The following TNIP3 variants were observed in gnomAD, a reference collection of about 807,000 sequenced individuals.
The protein encoded by TNIP3 is TNFAIP3 interacting protein 3.
TNIP3 carries 34 observed loss-of-function variants against 54.1 expected under a neutral mutation model. The ratio of observed to expected loss-of-function variants is 0.63; its 90% CI spans 0.48 to 0.84. TNIP3 has a LOEUF of 0.84. Among genes scored for constraint, TNIP3 ranks in the 40% least tolerant of loss-of-function variants. The pLI, the probability that TNIP3 is intolerant of heterozygous loss-of-function variation, is 0.00. For missense variants in TNIP3, 366 were observed against 387.6 expected, an observed-to-expected ratio of 0.94 and a Z score of 0.47; for synonymous variants, 134 against 136.8, an observed-to-expected ratio of 0.98 and a Z score of 0.14.
chr4:121,145,886 A>C (rs936430825), intron 7 of TNIP3, among the ~76,000 whole-genome samples: 2 of 151,776 alleles, frequency 1.3e-5, no homozygotes, highest in African/African-American at 4.8e-5. Flanking sequence ...CTGAGGCAGG[A>C]GACTAGCTTG....
At chr4:121,151,498 C>A (rs901097405) in intron 5 of TNIP3, among the ~76,000 whole-genome samples, 1 of 151,952 alleles carries the variant, frequency 6.6e-6, no homozygotes, top group Non-Finnish European at 1.5e-5. Flanking sequence ...TTTTTTCATC[C>A]TTCAGGGAGA....
chr4:121,216,755 C>A, upstream of TNIP3: 1 of 634,516 alleles, frequency 1.6e-6, no homozygotes, highest in East Asian at 4.2e-5. Context: ...AATCTCATGA[C>A]AGGGAGAAAT....
intron 10 of TNIP3, among the ~76,000 whole-genome samples, chr4:121,134,989 G>T (rs947918128): frequency 9.2e-5 from 14 of 152,126 alleles, no homozygotes; most frequent in Non-Finnish European, 1.9e-4. Flanking sequence ...GAGTGGTGAG[G>T]GGTGTATGGA....
chr4:121,132,355 T>G lies in TNIP3; in HGVS notation c.*276A>C. On this transcript the variant is annotated 3_prime_UTR_variant, in exon 11 of 11. Transcript: ENST00000057513. ...CCAACAGCAATATGCTGAAGAGATT[T>G]TCAGGGAGTCGTGCATCATCCATCT... is the stretch of plus-strand genomic sequence containing the variant. The G allele has an allele frequency of 2.4e-6, 1 of 416,850 alleles. No individual in the cohort carries two copies. Among genetic ancestry groups the G allele is most frequent in the Non-Finnish European group, 4.3e-6 (1 of 232,654 alleles). The allele number at this position is 416,850 out of a possible 1,614,324, so 25.8% of individuals were successfully genotyped here.
intron 9 of TNIP3, among the ~76,000 whole-genome samples, chr4:121,140,765 GA>G (rs1028982247): frequency 6.1e-4 from 92 of 151,674 alleles, no homozygotes; most frequent in African/African-American, 2.0e-3. Context: ...AACAGGTAAA[GA>G]AAAAAAAGGA....
chr4:121,137,985 T>C (rs1482273069), intron 10 of TNIP3: 1 of 456,052 alleles, frequency 2.2e-6, no homozygotes, highest in Admixed American at 2.3e-5. Flanking sequence ...CACAAGACCA[T>C]AGAAACAAGC....
rs537259597 is a variant in TNIP3, at chr4:121,173,520, A to T, written c.189+9156T>A. Among the ~76,000 whole-genome samples the T allele has an allele frequency of 6.6e-5, 10 of 152,244 alleles. No homozygotes were observed. In the South Asian group the frequency reaches 8.3e-4, roughly 13 times the overall value. On this transcript the variant is annotated intron_variant, in intron 3 of 12. Transcript: ENST00000507879. ...TAATCTGTGTTTGAGTTTTTTTTTA[A>T]AAATTATTTTCTCTGGAAGGAAATT...
intron 1 of TNIP3, among the ~76,000 whole-genome samples, chr4:121,227,230 C>T (rs1277368986): frequency 6.6e-6 from 1 of 152,204 alleles, no homozygotes; most frequent in East Asian, 1.9e-4. Context: ...CACATAAAAC[C>T]TTATCTTAAT....
upstream of TNIP3, among the ~76,000 whole-genome samples, chr4:121,168,674 C>T (rs780317663): frequency 3.3e-5 from 5 of 152,034 alleles, no homozygotes; most frequent in Non-Finnish European, 7.4e-5. Flanking sequence ...ACAACCACAT[C>T]TGGCTATTTT....
upstream of TNIP3, among the ~76,000 whole-genome samples, chr4:121,166,596 T>G (rs1464873139): frequency 6.6e-6 from 1 of 152,168 alleles, no homozygotes; most frequent in Admixed American, 6.5e-5. Flanking sequence ...GAAAGAAAAT[T>G]AAAATTAACA....
chr4:121,189,596 G>C (rs527639660), intron 2 of TNIP3, among the ~76,000 whole-genome samples: 2 of 152,268 alleles, frequency 1.3e-5, no homozygotes, highest in South Asian at 2.1e-4. Flanking sequence ...TTAATTACTT[G>C]AGTAATTGGA....
chr4:121,136,491 T>G (rs1264146473), intron 10 of TNIP3: 2 of 152,148 alleles, frequency 1.3e-5, no homozygotes, highest in Non-Finnish European at 2.9e-5. Flanking sequence ...AGTTTCCTCA[T>G]GTGTTAAATA....
chr4:121,222,595 T>C (rs1322413589), intron 1 of TNIP3, among the ~76,000 whole-genome samples: 1 of 152,202 alleles, frequency 6.6e-6, no homozygotes, highest in African/African-American at 2.4e-5. Context: ...CACTATAAGG[T>C]GACTTTTCTA....
chr4:121,214,509 T>C (rs28572759), intron 2 of TNIP3, among the ~76,000 whole-genome samples: 6,579 of 152,274 alleles, frequency 0.043, 468 homozygotes, highest in African/African-American at 0.15. Context: ...ATTCTCCATG[T>C]AGAAGGAAAT....
intron 6 of TNIP3, among the ~76,000 whole-genome samples, chr4:121,148,201 C>T (rs1045496487): frequency 6.6e-6 from 1 of 152,224 alleles, no homozygotes; most frequent in African/African-American, 2.4e-5. Context: ...AAGATTCCAA[C>T]TCAGTTTCTT....
intron 2 of TNIP3, among the ~76,000 whole-genome samples, chr4:121,192,480 A>G (rs1725353409): frequency 6.6e-6 from 1 of 152,186 alleles, no homozygotes; most frequent in Non-Finnish European, 1.5e-5. Flanking sequence ...GCTGAAACAA[A>G]TCATGATCAG....
Position 121,147,097 on chromosome 4 carries a change from C to T in TNIP3, c.687G>A (p.Gln229=). The T allele has an allele frequency of 6.2e-7, 1 of 1,613,242 alleles. No individual in the cohort carries two copies. The highest frequency in any genetic ancestry group is 2.2e-5 in the East Asian group (1 of 44,800). The change falls in exon 7 of 11, where the codon CAG becomes CAA. Residue 229 remains glutamine (Q), a synonymous_variant. Transcript: ENST00000057513. ...ERLNQEKEEL[Q]QINETSQSQL... Reference sequence around the variant, plus strand: ...GGGATTGGGAAGTTTCATTAATTTGCTGTAGCTCCTCTTTCTCTTGATTAA... The same window carrying T: ...GGGATTGGGAAGTTTCATTAATTTGTTGTAGCTCCTCTTTCTCTTGATTAA...
chr4:121,158,428 G>A (rs1241457149), intron 3 of TNIP3, among the ~76,000 whole-genome samples: 4 of 152,200 alleles, frequency 2.6e-5, no homozygotes, highest in Non-Finnish European at 4.4e-5. Flanking sequence ...CACGATAAAT[G>A]TGCACAAGAA....
At chr4:121,218,948 C>G (rs1726920109), upstream of TNIP3, among the ~76,000 whole-genome samples, 1 of 152,116 alleles carries the variant, frequency 6.6e-6, no homozygotes, top group South Asian at 2.1e-4. Context: ...GCCTGTAATC[C>G]TAGAACTTTG....
Sources: allele counts gnomAD v4.1 joint callset (sites outside exome capture counted in the v4.1 genomes callset), GRCh38; gene constraint gnomAD v4.1.1; transcripts MANE v1.5; gene names NCBI Gene and HGNC (gene_info 2026-07-23, HGNC 2026-07-21).